The following RANBP2 variants were observed in gnomAD, a reference collection of about 807,000 sequenced individuals.
The protein encoded by RANBP2 is E3 SUMO-protein ligase RanBP2.
Under a neutral mutation model 303.6 loss-of-function variants are expected in RANBP2, and 57 were observed. That is an observed-to-expected ratio of 0.19 (90% CI 0.15 to 0.23). RANBP2 has a LOEUF of 0.23. Ranked by LOEUF, RANBP2 falls within the 10% of genes least tolerant of loss-of-function variation. The pLI is 1.00. For missense variants in RANBP2, 3,138 were observed against 3,780.8 expected (o/e 0.83, Z 4.46); for synonymous variants, 1,167 against 1,301.5 (o/e 0.90, Z 2.23).
intron 15 of RANBP2, among the ~76,000 whole-genome samples, chr2:108,754,543 A>AT (rs1676150119): frequency 6.7e-6 from 1 of 149,876 alleles, no homozygotes; most frequent in African/African-American, 2.5e-5. Flanking sequence ...CAGTTAGAAA[A>AT]CATCAGTAAC....
At chr2:109,352,568 T>C in the RANBP2 span, among the ~76,000 whole-genome samples, 2 of 152,252 alleles carry the variant, frequency 1.3e-5, no homozygotes, top group Admixed American at 6.5e-5. Context: ...TTTACCTCTT[T>C]TTGTATCATG....
At chr2:109,112,030 C>T in the RANBP2 span, among the ~76,000 whole-genome samples, 1,622 of 152,052 alleles carry the variant, frequency 0.011, 33 homozygotes, top group African/African-American at 0.037. Flanking sequence ...TCCAGTGTAT[C>T]GTTGTTGGAC....
the RANBP2 span, among the ~76,000 whole-genome samples, chr2:109,067,662 A>C: frequency 6.6e-6 from 1 of 152,220 alleles, no homozygotes; most frequent in East Asian, 1.9e-4. Context: ...AGATGTTGCC[A>C]GCTGACTGGA....
chr2:109,144,940 G>A, the RANBP2 span, among the ~76,000 whole-genome samples: 1 of 152,226 alleles, frequency 6.6e-6, no homozygotes, highest in African/African-American at 2.4e-5. Context: ...TGTGGGGTGA[G>A]CGCGTTCAGT....
chr2:109,474,309 G>A, the RANBP2 span, among the ~76,000 whole-genome samples: 1 of 152,182 alleles, frequency 6.6e-6, no homozygotes, highest in East Asian at 1.9e-4. Flanking sequence ...TTAGTTATGT[G>A]TCAGGCTGTT....
the RANBP2 span, among the ~76,000 whole-genome samples, chr2:108,942,538 G>C: frequency 1.3e-5 from 2 of 152,278 alleles, no homozygotes; most frequent in African/African-American, 4.8e-5. Context: ...GCAGGGGCCA[G>C]CGTCCCCGTC....
chr2:109,558,529 A>G, the RANBP2 span, among the ~76,000 whole-genome samples: 1 of 152,226 alleles, frequency 6.6e-6, no homozygotes, highest in Non-Finnish European at 1.5e-5. Flanking sequence ...AGAGTTTTAT[A>G]AAGGCATGTT....
the RANBP2 span, among the ~76,000 whole-genome samples, chr2:109,107,150 G>A: frequency 2.3e-4 from 35 of 151,612 alleles, no homozygotes; most frequent in African/African-American, 7.3e-4. Flanking sequence ...ATGTGTTGGC[G>A]AGGCTGGACT....
At chr2:109,141,838 C>T in the RANBP2 span, among the ~76,000 whole-genome samples, 7 of 152,106 alleles carry the variant, frequency 4.6e-5, no homozygotes, top group Non-Finnish European at 7.4e-5. Context: ...GCCAGGTCCT[C>T]GCCTCCTTTC....
the RANBP2 span, among the ~76,000 whole-genome samples, chr2:109,000,707 G>A: frequency 6.6e-6 from 1 of 152,246 alleles, no homozygotes; most frequent in Non-Finnish European, 1.5e-5. Flanking sequence ...AAATAATAAT[G>A]TCCAGCATTA....
At chr2:109,448,967 G>A in the RANBP2 span, among the ~76,000 whole-genome samples, 6 of 152,170 alleles carry the variant, frequency 3.9e-5, no homozygotes, top group African/African-American at 1.4e-4. Flanking sequence ...TGATCCCTTG[G>A]GCTTTGGAAG....
chr2:109,451,002 A>G, the RANBP2 span, among the ~76,000 whole-genome samples: 4 of 152,228 alleles, frequency 2.6e-5, no homozygotes, highest in Middle Eastern at 3.4e-3. Context: ...TCTGCCCATC[A>G]CCCTGGAGGC....
chr2:109,521,956 G>T, the RANBP2 span, among the ~76,000 whole-genome samples: 1 of 152,316 alleles, frequency 6.6e-6, no homozygotes, highest in East Asian at 1.9e-4. Flanking sequence ...CCGCTGATCA[G>T]CCGGGCTCCC....
the RANBP2 span, among the ~76,000 whole-genome samples, chr2:109,184,694 C>T: frequency 1.3e-5 from 2 of 152,218 alleles, no homozygotes; most frequent in African/African-American, 4.8e-5. Flanking sequence ...CCCCTGCCAC[C>T]AGGAAGCAGC....
At chr2:109,503,007 G>C in the RANBP2 span, 41 of 152,324 alleles carry the variant, frequency 2.7e-4, no homozygotes, top group African/African-American at 8.9e-4. Flanking sequence ...TCGGGGAGTT[G>C]GGAGGGCGAG....
the RANBP2 span, among the ~76,000 whole-genome samples, chr2:109,130,409 C>T: frequency 6.6e-6 from 1 of 152,220 alleles, no homozygotes; most frequent in South Asian, 2.1e-4. Flanking sequence ...AACTTAGCAT[C>T]GCCCTTGCGT....
rs771041997 is a variant in RANBP2 at position 108,729,161 on chromosome 2, G to C, written c.102G>C (p.Lys34Asn). Residue 34 changes from lysine (K) to asparagine (N), a missense_variant, in exon 2 of 29, where the codon AAG becomes AAC. Around this residue, in one of 20 missense-constraint regions of RANBP2, gnomAD observed 306 missense variants for 381.9 expected, o/e 0.80. Transcript: ENST00000283195. ...CAATGAAAGGATTCTATTTTGCAAAGCTGTATTATGAAGCTAAAGAATATG... is the reference window on the plus strand; with the variant it reads ...CAATGAAAGGATTCTATTTTGCAAACCTGTATTATGAAGCTAAAGAATATG... Reference protein sequence around the residue: ...QKSMKGFYFAKLYYEAKEYDL... With the variant: ...QKSMKGFYFANLYYEAKEYDL... The C allele has an allele frequency of 1.9e-6, 3 of 1,573,116 alleles. No individual in the cohort carries two copies. The highest frequency in any genetic ancestry group is 2.6e-6 in the Non-Finnish European group (3 of 1,161,390).
chr2:108,754,915 C>T lies in RANBP2; in HGVS notation c.2213C>T (p.Pro738Leu), dbSNP rs369337384. The T allele has an allele frequency of 6.2e-7, 1 of 1,611,412 alleles. No homozygotes were observed. Among genetic ancestry groups the T allele is most frequent in the African/African-American group, 1.3e-5 (1 of 74,724 alleles). ...GTCTTTTATTTTTAGTTGCCTGTGC[C>T]CCTGGAGTCTGTAAAAGAGATGCTT... is the stretch of plus-strand genomic sequence containing the variant. ...NLSVVKKLPV[P>L]LESVKEMLNS... Residue 738 changes from proline (P) to leucine (L), a missense_variant, in exon 16 of 29, where the codon CCC becomes CTC. Around this residue, in one of 20 missense-constraint regions of RANBP2, gnomAD observed 194 missense variants for 197.4 expected, o/e 0.98. Transcript: ENST00000283195.
chr2:109,067,940 G>T, the RANBP2 span, among the ~76,000 whole-genome samples: 1 of 152,190 alleles, frequency 6.6e-6, no homozygotes, highest in Non-Finnish European at 1.5e-5. Flanking sequence ...TCCAGCTGCT[G>T]GGTGGAGGCT....
Sources: gnomAD v4.1 joint callset for allele counts (sites outside exome capture counted in the v4.1 genomes callset) on GRCh38, gnomAD v4.1.1 for gene constraint, gnomAD v4.1.1 regional missense constraint, MANE v1.5 for transcripts, NCBI Gene and HGNC (gene_info 2026-07-23, HGNC 2026-07-21) for gene names.